The following FGGY variants were observed in gnomAD, a reference collection of about 807,000 sequenced individuals.
The protein encoded by FGGY is FGGY carbohydrate kinase domain containing.
Under a neutral mutation model 71.3 loss-of-function variants are expected in FGGY, and 72 were observed. That is an observed-to-expected ratio of 1.01 (90% CI 0.84 to 1.23). The LOEUF (loss-of-function observed/expected upper bound fraction) is 1.23, where lower values mean the gene tolerates loss of function less well. Among genes scored for constraint, FGGY ranks in the 50% most tolerant of loss-of-function variants. The pLI, the probability that FGGY is intolerant of heterozygous loss-of-function variation, is 0.00. For synonymous variants in FGGY, 251 were observed against 250.3 expected, an observed-to-expected ratio of 1.00 and a Z score of -0.02; for missense variants, 668 against 682.3, an observed-to-expected ratio of 0.98 and a Z score of 0.23.
rs140279518 is a variant in FGGY at position 59,440,094 on chromosome 1, CAAAA to C, written c.555-16852_555-16849del. ...TTGTTATAAACTGCTTTGCAAGGTTCAAAAAAAAAAAAAAAAAACGGAAATGATA... is the reference window on the plus strand; with the variant it reads ...TTGTTATAAACTGCTTTGCAAGGTTCAAAAAAAAAAAAAACGGAAATGATA... On this transcript the variant is annotated intron_variant, in intron 5 of 15. Coordinates refer to ENST00000303721, the MANE Select transcript of FGGY (RefSeq NM_018291.5). Among the ~76,000 whole-genome samples, 788 of 125,536 alleles carry C rather than the reference CAAAA, an allele frequency of 6.3e-3. 6 individuals are homozygous for C. Among genetic ancestry groups the C allele is most frequent in the African/African-American group, 0.022 (747 of 34,326 alleles). 82.4% of individuals were successfully genotyped at this position (125,536 alleles called of 152,430 possible).
chr1:59,679,120 T>A (rs1030405518), intron 14 of FGGY, among the ~76,000 whole-genome samples: 5 of 152,218 alleles, frequency 3.3e-5, no homozygotes, highest in African/African-American at 9.6e-5. Flanking sequence ...ACCGCAGTGG[T>A]CTACCCTTGA....
At chr1:59,587,729 T>G (rs2096334693) in intron 8 of FGGY, among the ~76,000 whole-genome samples, 1 of 152,168 alleles carries the variant, frequency 6.6e-6, no homozygotes, top group Non-Finnish European at 1.5e-5. Flanking sequence ...GACCTGCAGC[T>G]GAGGGTCCTG....
intron 5 of FGGY, among the ~76,000 whole-genome samples, chr1:59,423,038 T>G (rs909668309): frequency 6.6e-6 from 1 of 152,036 alleles, no homozygotes; most frequent in Non-Finnish European, 1.5e-5. Context: ...TTCCGAACAC[T>G]CCAGCCTATT....
chr1:59,555,020 A>G (rs1419954964), intron 8 of FGGY, among the ~76,000 whole-genome samples: 1 of 152,186 alleles, frequency 6.6e-6, no homozygotes, highest in African/African-American at 2.4e-5. Flanking sequence ...TATGGAGGAA[A>G]TTAAGTGGGA....
intron 14 of FGGY, among the ~76,000 whole-genome samples, chr1:59,711,433 G>T (rs556010035): frequency 1.4e-3 from 207 of 152,248 alleles, no homozygotes; most frequent in African/African-American, 4.8e-3. Context: ...AGAACTTAAA[G>T]TATAATTTAA....
intron 4 of FGGY, among the ~76,000 whole-genome samples, chr1:59,349,315 C>T (rs538632731): frequency 6.6e-6 from 1 of 152,110 alleles, no homozygotes; most frequent in Non-Finnish European, 1.5e-5. Flanking sequence ...GCTATATCAA[C>T]AAGTTTGGAT....
chr1:59,616,634 A>G (rs1366428702), intron 9 of FGGY, among the ~76,000 whole-genome samples: 2 of 152,132 alleles, frequency 1.3e-5, no homozygotes, highest in African/African-American at 4.8e-5. Context: ...AGTATAATAA[A>G]AAAATAAATA....
chr1:59,491,138 CCTT>C lies in FGGY; in HGVS notation c.671-21171_671-21169del, dbSNP rs2093845472. The stretch of plus-strand genomic sequence containing the variant: ...TCCCTCCTTCCTTCCTTCCTTCCTT[CCTT>C]CCTTTCTCTCTTTCTCTCTTTTTTT... On this transcript the variant is annotated intron_variant, in intron 6 of 15. Coordinates refer to ENST00000303721, the MANE Select transcript of FGGY (RefSeq NM_018291.5). Among the ~76,000 whole-genome samples, 2 of 35,468 alleles carry C rather than the reference CCTT, an allele frequency of 5.6e-5. 1 individual carries two copies. The highest frequency in any genetic ancestry group is 6.4e-4 in the Admixed American group (2 of 3,102). 23.3% of individuals were successfully genotyped at this position (35,468 alleles called of 152,430 possible). A position where few individuals can be genotyped will look rare whatever the true frequency, so the allele number is the denominator to read the frequency against.
intron 8 of FGGY, among the ~76,000 whole-genome samples, chr1:59,558,800 A>T (rs2095736386): frequency 7.0e-6 from 1 of 143,296 alleles, no homozygotes; most frequent in South Asian, 2.4e-4. Context: ...TCAACCTCAT[A>T]AGACAGACAC....
intron 4 of FGGY, among the ~76,000 whole-genome samples, chr1:59,349,915 A>C (rs1304527447): frequency 2.6e-5 from 4 of 152,074 alleles, no homozygotes; most frequent in Non-Finnish European, 4.4e-5. Flanking sequence ...TTCTAACTCA[A>C]GTTCACGGGT....
chr1:59,577,293 C>G (rs1024342042), intron 8 of FGGY, among the ~76,000 whole-genome samples: 2 of 152,140 alleles, frequency 1.3e-5, no homozygotes, highest in African/African-American at 4.8e-5. Flanking sequence ...TTAATCAGGA[C>G]AAAAATAAAA....
intron 1 of FGGY, among the ~76,000 whole-genome samples, chr1:59,299,464 C>G (rs1349447392): frequency 2.0e-5 from 3 of 152,008 alleles, no homozygotes; most frequent in Admixed American, 1.3e-4. Flanking sequence ...TGGCGAAGCC[C>G]GGAGAGAGGT....
rs74087489 is a variant in FGGY at position 59,437,576 on chromosome 1, G to A, written c.555-19385G>A. On this transcript the variant is annotated intron_variant, in intron 5 of 15. Transcript: ENST00000303721. ...TGACTGCTTTGGGGGAGGAGTTAGGGAAGTGCTTAACTCATATTAACACTG... is the reference window on the plus strand; with the variant it reads ...TGACTGCTTTGGGGGAGGAGTTAGGAAAGTGCTTAACTCATATTAACACTG... 4.7e-3 allele frequency among the ~76,000 whole-genome samples: 722 copies of A among 152,320 alleles called. 6 individuals are homozygous for A. Among genetic ancestry groups the A allele is most frequent in the African/African-American group, 0.017 (695 of 41,566 alleles).
At chr1:59,402,912 C>T (rs1261522942) in intron 5 of FGGY, among the ~76,000 whole-genome samples, 1 of 152,166 alleles carries the variant, frequency 6.6e-6, no homozygotes, top group Non-Finnish European at 1.5e-5. Context: ...GCTTACCTCC[C>T]TGAGAGGGCA....
intron 14 of FGGY, among the ~76,000 whole-genome samples, chr1:59,756,834 A>G (rs1352022074): frequency 6.6e-6 from 1 of 152,052 alleles, no homozygotes; most frequent in African/African-American, 2.4e-5. Flanking sequence ...AAAGATGGTC[A>G]GGGGAAACAC....
intron 4 of FGGY, among the ~76,000 whole-genome samples, chr1:59,375,214 C>G (rs142735512): frequency 1.4e-5 from 2 of 145,678 alleles, no homozygotes; most frequent in South Asian, 4.4e-4. Flanking sequence ...GAGCTGAGAT[C>G]GCACCACTAC....
At chr1:59,435,755 T>C (rs1572119743) in intron 5 of FGGY, among the ~76,000 whole-genome samples, 1 of 141,702 alleles carries the variant, frequency 7.1e-6, no homozygotes, top group African/African-American at 2.9e-5. Flanking sequence ...CGTGTGTGTG[T>C]GTGTGTGTGT....
At chr1:59,693,722 G>T (rs1472219760) in intron 14 of FGGY, among the ~76,000 whole-genome samples, 2 of 152,044 alleles carry the variant, frequency 1.3e-5, no homozygotes, top group Non-Finnish European at 2.9e-5. Context: ...AACTGGGAAA[G>T]CTGGCCAGGC....
At chr1:59,517,635 T>C (rs2094700881) in intron 7 of FGGY, among the ~76,000 whole-genome samples, 1 of 152,118 alleles carries the variant, frequency 6.6e-6, no homozygotes, top group Admixed American at 6.6e-5. Flanking sequence ...AAGCACTCTC[T>C]TTTTCCCCCA....
Sources: gnomAD v4.1 joint callset for allele counts (sites outside exome capture counted in the v4.1 genomes callset) on GRCh38, gnomAD v4.1.1 for gene constraint, MANE v1.5 for transcripts, NCBI Gene and HGNC (gene_info 2026-07-23, HGNC 2026-07-21) for gene names.